Variants in PCDHAC1 observed in about 807,000 individuals in gnomAD.
PCDHAC1 encodes the protein protocadherin alpha-C1.
PCDHAC1 carries 42 observed loss-of-function variants against 60.0 expected under a neutral mutation model. The observed-to-expected ratio is 0.70, with a 90% CI of 0.55 to 0.90. The LOEUF (loss-of-function observed/expected upper bound fraction) is 0.90. PCDHAC1 is among the 40% of genes least tolerant of loss of function. The pLI is 0.00. For missense variants in PCDHAC1, 1,160 were observed against 1,222.3 expected, an observed-to-expected ratio of 0.95 and a Z score of 0.76; for synonymous variants, 468 against 499.3, an observed-to-expected ratio of 0.94 and a Z score of 0.84.
At chr5:140,991,298 A>G (rs555776023) in intron 3 of PCDHAC1, among the ~76,000 whole-genome samples, 1 of 152,288 alleles carries the variant, frequency 6.6e-6, no homozygotes, top group Non-Finnish European at 1.5e-5. Context: ...ACACATTACT[A>G]TTATCTTGTC....
At chr5:140,971,987 G>A (rs1246433962) in intron 1 of PCDHAC1, among the ~76,000 whole-genome samples, 1 of 152,086 alleles carries the variant, frequency 6.6e-6, no homozygotes, top group Non-Finnish European at 1.5e-5. Context: ...GTAGACAGAA[G>A]TTCCAATGTT....
chr5:140,966,971 C>T lies in PCDHAC1; in HGVS notation c.2434-11978C>T, dbSNP rs375161984. On this transcript the variant is annotated intron_variant, in intron 1 of 3. Coordinates refer to ENST00000253807, the MANE Select transcript of PCDHAC1 (RefSeq NM_018898.5). ...CGTGGCTCGCGCGCTGGGGCTTGAG[C>T]TGCGGCGCTTGGGGCCGGGTTGCTT... 13 of 1,602,690 alleles carry T rather than the reference C, an allele frequency of 8.1e-6. No homozygotes were observed. The African/African-American group carries it at 1.7e-4, about 21-fold the overall frequency.
chr5:141,003,001 C>T (rs1403843420), intron 3 of PCDHAC1, among the ~76,000 whole-genome samples: 3 of 152,182 alleles, frequency 2.0e-5, no homozygotes, highest in Admixed American at 1.3e-4. Flanking sequence ...AGTTTATGTT[C>T]TATTAGGGAA....
intron 1 of PCDHAC1, among the ~76,000 whole-genome samples, chr5:140,960,097 T>C (rs2095526762): frequency 6.6e-6 from 1 of 152,232 alleles, no homozygotes. Context: ...AAGAAACTTG[T>C]AGTTGTGGGA....
chr5:140,946,631 T>TATATAGATATATATATATATATATACAC (rs57893927), intron 1 of PCDHAC1, among the ~76,000 whole-genome samples: 1 of 131,846 alleles, frequency 7.6e-6, no homozygotes, highest in African/African-American at 3.5e-5. Flanking sequence ...TATATATATA[T>TATATAGATATATATATATATATATACAC]ACAATGGAAT....
chr5:140,971,805 T>C (rs938421537), intron 1 of PCDHAC1, among the ~76,000 whole-genome samples: 1 of 152,166 alleles, frequency 6.6e-6, no homozygotes, highest in Non-Finnish European at 1.5e-5. Flanking sequence ...AATATTATAA[T>C]ATTGAATACA....
chr5:140,929,497 C>A, intron 1 of PCDHAC1, 172 bp downstream of exon 1: 1 of 977,560 alleles, frequency 1.0e-6, no homozygotes, highest in Non-Finnish European at 1.4e-6. Context: ...TAGAAGATTG[C>A]CCTAGGCCTC....
chr5:140,949,809 G>A (rs782774481), intron 1 of PCDHAC1, among the ~76,000 whole-genome samples: 1 of 151,712 alleles, frequency 6.6e-6, no homozygotes. Flanking sequence ...TACATTATTT[G>A]CTTTCTATTT....
chr5:140,986,236 T>C (rs1213371307), intron 3 of PCDHAC1, among the ~76,000 whole-genome samples: 1 of 152,170 alleles, frequency 6.6e-6, no homozygotes. Flanking sequence ...CCCCTCTGTG[T>C]GAGCAGACCC....
chr5:140,940,844 T>C (rs942965203), intron 1 of PCDHAC1, among the ~76,000 whole-genome samples: 1 of 152,228 alleles, frequency 6.6e-6, no homozygotes. Flanking sequence ...TTCTTCACGA[T>C]AGATTTTTAT....
At chr5:140,960,841 T>C (rs1554225062) in intron 1 of PCDHAC1, among the ~76,000 whole-genome samples, 1 of 152,222 alleles carries the variant, frequency 6.6e-6, no homozygotes, top group African/African-American at 2.4e-5. Context: ...GGAACAGGTT[T>C]AATGGCAACT....
Position 140,927,482 on chromosome 5 carries a change from C to G in PCDHAC1, c.590C>G (p.Ala197Gly). 6.2e-7 allele frequency: 1 copy of G among 1,614,086 alleles called. No homozygotes were observed. Among genetic ancestry groups the G allele is most frequent in the Non-Finnish European group, 8.5e-7 (1 of 1,180,034 alleles). ...LEKALDREQR[A>G]THLLVLTARD... ...AAAGCACTGGATCGCGAACAGCGCG[C>G]CACCCACCTGCTGGTGCTTACAGCT... The change falls in exon 1 of 4, where the codon GCC (alanine) becomes GGC (glycine). Residue 197 changes from alanine to glycine, a missense_variant. Ala to Gly is a moderately conservative substitution (Grantham distance 60). This residue lies in a region of PCDHAC1 where 1,113 missense variants were observed against 1,163.7 expected (regional missense o/e 0.96). Coordinates refer to ENST00000253807, the MANE Select transcript of PCDHAC1 (RefSeq NM_018898.5).
chr5:141,006,491 G>A (rs142641127), intron 3 of PCDHAC1, among the ~76,000 whole-genome samples: 4,876 of 152,234 alleles, frequency 0.032, 273 homozygotes, highest in African/African-American at 0.11. Context: ...GGGATTACAT[G>A]TGTGAGCCAC....
At position 141,010,124 on chromosome 5, in the gene PCDHAC1, G is replaced by C. The variant is rs1161168842; in HGVS notation, c.*187G>C. 1.2e-6 allele frequency: 2 copies of C among 1,605,172 alleles called. No homozygotes were observed. The highest frequency in any genetic ancestry group is 1.1e-5 in the South Asian group (1 of 90,170). On this transcript the variant is annotated 3_prime_UTR_variant, in exon 4 of 4. Coordinates refer to ENST00000253807, the MANE Select transcript of PCDHAC1 (RefSeq NM_018898.5). ...GGTTTTGTCGTAAAAGCTTTACTAA[G>C]TCTGGTGTTAACTCTTTCTCTCCAC...
At chr5:140,943,349 T>C (rs1429038452) in intron 1 of PCDHAC1, among the ~76,000 whole-genome samples, 1 of 147,572 alleles carries the variant, frequency 6.8e-6, no homozygotes, top group East Asian at 2.0e-4. Flanking sequence ...AGGATGAGAG[T>C]AGAGGAAAGG....
chr5:140,937,071 T>G (rs2091308048), intron 1 of PCDHAC1, among the ~76,000 whole-genome samples: 1 of 147,932 alleles, frequency 6.8e-6, no homozygotes, highest in African/African-American at 2.5e-5. Context: ...GGAGTCTCGC[T>G]CTGTCGCCCA....
chr5:140,950,523 T>C (rs1289314937), intron 1 of PCDHAC1, among the ~76,000 whole-genome samples: 2 of 152,094 alleles, frequency 1.3e-5, no homozygotes, highest in African/African-American at 4.8e-5. Flanking sequence ...TGCGATATGA[T>C]TGTTTTTGTT....
chr5:140,991,086 T>C (rs2097431989), intron 3 of PCDHAC1, among the ~76,000 whole-genome samples: 1 of 152,206 alleles, frequency 6.6e-6, no homozygotes, highest in African/African-American at 2.4e-5. Context: ...ATAAAAAAAT[T>C]AAAGCTCATA....
chr5:140,960,740 C>T (rs949372581), intron 1 of PCDHAC1, among the ~76,000 whole-genome samples: 1 of 151,868 alleles, frequency 6.6e-6, no homozygotes, highest in South Asian at 2.1e-4. Flanking sequence ...GATTTTAGTC[C>T]ATGGCTAAAA....
Sources: gnomAD v4.1 joint callset for allele counts (sites outside exome capture counted in the v4.1 genomes callset) on GRCh38, gnomAD v4.1.1 for gene constraint, gnomAD v4.1.1 regional missense constraint, MANE v1.5 for transcripts, NCBI Gene and HGNC (gene_info 2026-07-23, HGNC 2026-07-21) for gene names.